KHDRBS1: variants seen among roughly 807,000 people sequenced by gnomAD.
The protein encoded by KHDRBS1 is KH domain-containing, RNA-binding, signal transduction-associated protein 1.
A neutral mutation model predicts 48.4 loss-of-function variants in KHDRBS1; 7 were observed. That is an observed-to-expected ratio of 0.14 (90% CI 0.08 to 0.27). The LOEUF (loss-of-function observed/expected upper bound fraction) is 0.27. Among genes scored for constraint, KHDRBS1 ranks in the 10% least tolerant of loss-of-function variants. The probability of loss-of-function intolerance (pLI) is 1.00; values close to 1 mark genes in which losing one functional copy is unlikely to be tolerated. For synonymous variants in KHDRBS1, 241 were observed against 235.8 expected (o/e 1.02, Z -0.20); for missense variants, 458 against 601.2 (o/e 0.76, Z 2.49).
intron 1 of KHDRBS1, among the ~76,000 whole-genome samples, chr1:32,018,098 G>A (rs1004122692): frequency 1.3e-5 from 2 of 152,130 alleles, no homozygotes; most frequent in Non-Finnish European, 2.9e-5. Context: ...TTTATTTACA[G>A]TATTCTCTAG....
chr1:32,028,930 T>C (rs1255261672), intron 1 of KHDRBS1, among the ~76,000 whole-genome samples: 1 of 152,116 alleles, frequency 6.6e-6, no homozygotes, highest in Admixed American at 6.5e-5. Context: ...TTGCCACCTC[T>C]ATAGTCTGGG....
chr1:32,014,369 T>C lies in KHDRBS1; in HGVS notation c.374T>C (p.Leu125Pro). 1 of 1,467,442 alleles carries C rather than the reference T, an allele frequency of 6.8e-7. No individual in the cohort carries two copies. The highest frequency in any genetic ancestry group is 9.1e-7 in the Non-Finnish European group (1 of 1,094,880). The allele number at this position is 1,467,442 out of a possible 1,614,324, so 90.9% of individuals were successfully genotyped here. A position where few individuals can be genotyped will look rare whatever the true frequency, so the allele number is the denominator to read the frequency against. Residue 125 changes from leucine to proline, a missense_variant, in exon 1 of 9, where the codon CTG becomes CCG. Physicochemically the swap from Leu to Pro is moderately conservative, Grantham distance 98 (BLOSUM62 -3). Around this residue, in one of 3 missense-constraint regions of KHDRBS1, gnomAD observed 213 missense variants for 215.6 expected, o/e 0.99. Coordinates refer to ENST00000327300, the MANE Select transcript of KHDRBS1 (RefSeq NM_006559.3). ...TCCTTCACTCACGCCATGCAGCTGC[T>C]GACGGCAGGTAAGGGGGCCTCCCGT... Reference protein sequence around the residue: ...DPSFTHAMQLLTAEIEKIQKG... With the variant: ...DPSFTHAMQLPTAEIEKIQKG...
chr1:32,039,244 A>T (rs190699941), intron 7 of KHDRBS1, among the ~76,000 whole-genome samples: 1 of 152,202 alleles, frequency 6.6e-6, no homozygotes, highest in Non-Finnish European at 1.5e-5. Flanking sequence ...ATACATGTAT[A>T]TATATGCTAT....
At chr1:32,026,992 C>G (rs945819035) in intron 1 of KHDRBS1, among the ~76,000 whole-genome samples, 1 of 152,124 alleles carries the variant, frequency 6.6e-6, no homozygotes, top group Admixed American at 6.6e-5. Flanking sequence ...ACGGGGTTTC[C>G]CCATGTTGAC....
chr1:32,013,894 T>A lies in KHDRBS1; in HGVS notation c.-102T>A. 1 of 1,174,650 alleles carries A rather than the reference T, an allele frequency of 8.5e-7. No individual in the cohort carries two copies. Among genetic ancestry groups the A allele is most frequent in the Non-Finnish European group, 1.1e-6 (1 of 911,682 alleles). 72.8% of individuals were successfully genotyped at this position (1,174,650 alleles called of 1,614,324 possible). A position where few individuals can be genotyped will look rare whatever the true frequency, so the allele number is the denominator to read the frequency against. ...TCTCGCTGGGTCGCTCGGGTCGGCT[T>A]CGGTCGCTACCGCTCCCGCTCTGCC... On this transcript the variant is annotated 5_prime_UTR_variant, in exon 1 of 9. Transcript: ENST00000327300.
chr1:32,037,303 T>C (rs567738062), intron 5 of KHDRBS1, among the ~76,000 whole-genome samples: 2 of 152,028 alleles, frequency 1.3e-5, no homozygotes, highest in East Asian at 3.9e-4. Flanking sequence ...AATACAAAAA[T>C]TATCCAGGTG....
chr1:32,050,616 A>G lies in KHDRBS1; in HGVS notation n.1301+5226A>G, dbSNP rs1639407285. On this transcript the variant is annotated intron_variant and non_coding_transcript_variant, in intron 10 of 10. Coordinates refer to the KHDRBS1 transcript ENST00000484270. ...CAACCTCCAGCTCCCGGGTTCAAGCAGTTCTCATGCTTCACCCTCCCAAGT... is the reference window on the plus strand; with the variant it reads ...CAACCTCCAGCTCCCGGGTTCAAGCGGTTCTCATGCTTCACCCTCCCAAGT... 2.6e-5 allele frequency among the ~76,000 whole-genome samples: 4 copies of G among 151,318 alleles called. No individual in the cohort carries two copies. The South Asian group carries it at 6.2e-4, about 24-fold the overall frequency.
downstream of KHDRBS1, among the ~76,000 whole-genome samples, chr1:32,048,481 G>T (rs1254186467): frequency 6.6e-6 from 1 of 152,184 alleles, no homozygotes; most frequent in Non-Finnish European, 1.5e-5. Context: ...CTGTACTCCA[G>T]CCCGGGTAGA....
At chr1:32,035,273 G>A (rs1639154792) in intron 4 of KHDRBS1, among the ~76,000 whole-genome samples, 1 of 152,190 alleles carries the variant, frequency 6.6e-6, no homozygotes, top group Admixed American at 6.5e-5. Flanking sequence ...CAGTGTTGAT[G>A]TGGCAGTTGG....
intron 1 of KHDRBS1, 72 bp from the exon 2 acceptor site, chr1:32,030,226 T>G (rs1639055748): frequency 7.7e-7 from 1 of 1,297,006 alleles, no homozygotes; most frequent in South Asian, 1.3e-5. Flanking sequence ...GTATTCCATG[T>G]TATTGCTTTA....
intron 4 of KHDRBS1, among the ~76,000 whole-genome samples, chr1:32,035,248 A>G (rs1208687694): frequency 6.6e-6 from 1 of 151,712 alleles, no homozygotes; most frequent in Non-Finnish European, 1.5e-5. Context: ...CTTGCCGGGG[A>G]GATGTGGGTT....
At chr1:32,024,546 C>T (rs1217098214) in intron 1 of KHDRBS1, among the ~76,000 whole-genome samples, 1 of 151,540 alleles carries the variant, frequency 6.6e-6, no homozygotes. Context: ...AGGCAGGTCT[C>T]AAGTTCCTGG....
chr1:32,036,989 G>T lies in KHDRBS1; in HGVS notation c.851G>T (p.Arg284Leu), dbSNP rs375097901. The T allele has an allele frequency of 6.2e-7, 1 of 1,614,080 alleles. No individual in the cohort carries two copies. ...GGAGTACCTGAACCCTCTCGTGGACGTGGGGTGCCAGTGAGAGGCCGGGGA... is the reference window on the plus strand; with the variant it reads ...GGAGTACCTGAACCCTCTCGTGGACTTGGGGTGCCAGTGAGAGGCCGGGGA... ...LNGVPEPSRG[R>L]GVPVRGRGAA... Residue 284 changes from arginine (R) to leucine (L), a missense_variant, in exon 5 of 9, where the codon CGT becomes CTT. Physicochemically the swap from Arg to Leu is moderately radical, Grantham distance 102. This residue lies in a region of KHDRBS1 where 171 missense variants were observed against 228.7 expected (regional missense o/e 0.75). Coordinates refer to ENST00000327300, the MANE Select transcript of KHDRBS1 (RefSeq NM_006559.3).
intron 1 of KHDRBS1, among the ~76,000 whole-genome samples, chr1:32,019,916 C>A (rs1056795751): frequency 6.6e-6 from 1 of 151,950 alleles, no homozygotes; most frequent in East Asian, 2.0e-4. Context: ...GGATTACAGG[C>A]GCCCACCACC....
chr1:32,034,937 C>T lies in KHDRBS1; in HGVS notation c.771+1603C>T, dbSNP rs189811091. On this transcript the variant is annotated intron_variant, in intron 4 of 8. Coordinates refer to ENST00000327300, the MANE Select transcript of KHDRBS1 (RefSeq NM_006559.3). ...CGGAGCTTGCAGTGAGCCGAGATTG[C>T]GCCACTGCACTCTGGCCTGGGTGAC... 5.2e-3 allele frequency among the ~76,000 whole-genome samples: 778 copies of T among 150,306 alleles called. 7 individuals carry two copies. The highest frequency in any genetic ancestry group is 0.018 in the African/African-American group (751 of 40,760).
intron 3 of KHDRBS1, 59 bp from the exon 4 acceptor site, chr1:32,033,129 G>A: frequency 3.6e-6 from 5 of 1,394,100 alleles, no homozygotes; most frequent in Non-Finnish European, 5.1e-6. Flanking sequence ...TGGCTTAGAG[G>A]TAAAGGTGGT....
intron 10 of KHDRBS1, among the ~76,000 whole-genome samples, chr1:32,049,264 C>T (rs993023868): frequency 5.9e-5 from 9 of 151,956 alleles, no homozygotes; most frequent in Non-Finnish European, 1.2e-4. Flanking sequence ...CCGTGTTGGC[C>T]AGGCTGGTCT....
intron 7 of KHDRBS1, among the ~76,000 whole-genome samples, 188 bp downstream of exon 7, chr1:32,038,807 GCT>G (rs1252113937): frequency 2.0e-5 from 3 of 152,256 alleles, no homozygotes; most frequent in East Asian, 3.9e-4. Context: ...TCCCACTTTA[GCT>G]CTCTCTAGTA....
At chr1:32,029,913 T>C (rs1203501428) in intron 1 of KHDRBS1, among the ~76,000 whole-genome samples, 4 of 152,220 alleles carry the variant, frequency 2.6e-5, no homozygotes, top group Non-Finnish European at 5.9e-5. Flanking sequence ...ATTGTATATT[T>C]AGATTATTTA....
Sources: allele counts gnomAD v4.1 joint callset (sites outside exome capture counted in the v4.1 genomes callset), GRCh38; gene constraint gnomAD v4.1.1; regional missense constraint gnomAD v4.1.1; transcripts MANE v1.5; gene names NCBI Gene and HGNC (gene_info 2026-07-23, HGNC 2026-07-21).